Variants in RFTN1 observed in about 807,000 individuals in gnomAD.
The protein encoded by RFTN1 is raftlin, lipid raft linker 1, also known as raftlin.
Under a neutral mutation model 46.5 loss-of-function variants are expected in RFTN1, and 26 were observed. The observed-to-expected ratio is 0.56, with a 90% CI of 0.41 to 0.78. The LOEUF (loss-of-function observed/expected upper bound fraction) is 0.78. RFTN1 is among the 30% of genes least tolerant of loss of function. The pLI, the probability that RFTN1 is intolerant of heterozygous loss-of-function variation, is 0.00. For missense variants in RFTN1, 693 were observed against 718.7 expected (o/e 0.96, Z 0.41); for synonymous variants, 261 against 284.2 (o/e 0.92, Z 0.82).
intron 4 of RFTN1, among the ~76,000 whole-genome samples, chr3:16,391,858 G>GTTTTTTTTTGTTTTT (rs2074348121): frequency 4.1e-5 from 2 of 49,122 alleles, no homozygotes; most frequent in African/African-American, 8.9e-5. Context: ...TAGTGCAAAG[G>GTTTTTTTTTGTTTTT]TTTTTTTTTT....
At chr3:16,360,867 A>G (rs1025081113) in intron 6 of RFTN1, among the ~76,000 whole-genome samples, 48 of 152,242 alleles carry the variant, frequency 3.2e-4, no homozygotes, top group African/African-American at 1.1e-3. Flanking sequence ...ATTATGGAGA[A>G]AAAACTAGGA....
At chr3:16,423,084 C>T (rs1266901645) in intron 3 of RFTN1, among the ~76,000 whole-genome samples, 1 of 151,758 alleles carries the variant, frequency 6.6e-6, no homozygotes, top group Non-Finnish European at 1.5e-5. Context: ...AGGAGAATGG[C>T]GAGAACCCAG....
At chr3:16,347,263 C>T (rs1341121728) in intron 7 of RFTN1, among the ~76,000 whole-genome samples, 1 of 152,210 alleles carries the variant, frequency 6.6e-6, no homozygotes, top group African/African-American at 2.4e-5. Context: ...TACAGGGCAA[C>T]CCTGGAGAGA....
rs1559310856 is a variant in RFTN1, at chr3:16,382,643, G to A, written c.442-4541C>T. On this transcript the variant is annotated intron_variant, in intron 4 of 9. Coordinates refer to ENST00000334133, the MANE Select transcript of RFTN1 (RefSeq NM_015150.2). This position sits in a 1 kb window ranked among gnomAD's most constrained non-coding sequence, Gnocchi z 4.7. ...CAGACCTACACAGAAGACGATCACA[G>A]CTGACGGGTCCACTGTTGATCTGGT... is the stretch of plus-strand genomic sequence containing the variant. Among the ~76,000 whole-genome samples, 1 of 152,142 alleles carries A rather than the reference G, an allele frequency of 6.6e-6. No individual in the cohort carries two copies. The highest frequency in any genetic ancestry group is 1.5e-5 in the Non-Finnish European group (1 of 68,030).
rs746365732 is a variant in RFTN1 at position 16,383,188 on chromosome 3, C to T, written c.442-5086G>A. 1.4e-4 allele frequency among the ~76,000 whole-genome samples: 22 copies of T among 152,256 alleles called. No homozygotes were observed. Among genetic ancestry groups the T allele is most frequent in the Middle Eastern group, 3.4e-3 (1 of 294 alleles). ...TAAGCCCAACCTGATGCCTCTTCAA[C>T]GATACCACTCTTTCCACTTCAGATA... On this transcript the variant is annotated intron_variant, in intron 4 of 9. Transcript: ENST00000334133. The surrounding 1 kb of genome is among the most constrained non-coding windows in gnomAD (Gnocchi z 4.0).
Position 16,424,353 on chromosome 3 carries a change from G to A in RFTN1, c.332+9498C>T, listed in dbSNP as rs1262615523. 6.6e-6 allele frequency among the ~76,000 whole-genome samples: 1 copy of A among 152,198 alleles called. No individual in the cohort carries two copies. Among genetic ancestry groups the A allele is most frequent in the Non-Finnish European group, 1.5e-5 (1 of 68,034 alleles). On this transcript the variant is annotated intron_variant, in intron 3 of 9. Coordinates refer to ENST00000334133, the MANE Select transcript of RFTN1 (RefSeq NM_015150.2). The surrounding 1 kb of genome is among the most constrained non-coding windows in gnomAD (Gnocchi z 4.7). ...ATAAAATGAGAAGTGGGGAATGAGG[G>A]AAGGTCATGGTATCTTTTGGTTACA...
At chr3:16,416,284 A>C in intron 3 of RFTN1, 1 of 446,064 alleles carries the variant, frequency 2.2e-6, no homozygotes, top group Admixed American at 2.4e-5. Flanking sequence ...TTAATAATGC[A>C]CATAAACAGA....
In RFTN1 at chr3:16,384,542, T is replaced by C. The variant is rs59930398; in HGVS notation, c.442-6440A>G. Reference sequence around the variant, plus strand: ...GCCCAGGTAAAGGAAATTTCCCCCATTGTGCTTTGAGGAGAGCTGCTACAC... The same window carrying C: ...GCCCAGGTAAAGGAAATTTCCCCCACTGTGCTTTGAGGAGAGCTGCTACAC... On this transcript the variant is annotated intron_variant, in intron 4 of 9. Transcript: ENST00000334133. The surrounding 1 kb of genome is among the most constrained non-coding windows in gnomAD (Gnocchi z 4.7). Among the ~76,000 whole-genome samples, 31,090 of 152,134 alleles carry C rather than the reference T, an allele frequency of 0.2. 3,458 individuals are homozygous for C. Among genetic ancestry groups the C allele is most frequent in the Admixed American group, 0.28 (4,322 of 15,278 alleles).
rs533322071 is a variant in RFTN1 at position 16,443,796 on chromosome 3, A to C, written c.146-9759T>G. Among the ~76,000 whole-genome samples the C allele has an allele frequency of 6.6e-6, 1 of 151,768 alleles. No homozygotes were observed. Among genetic ancestry groups the C allele is most frequent in the South Asian group, 2.1e-4 (1 of 4,808 alleles). ...ACACACACACACACCACTGTACTGT[A>C]AAAATTCAGTGTCCAGGTATTTGTA... On this transcript the variant is annotated intron_variant, in intron 2 of 9. Transcript: ENST00000334133. The surrounding 1 kb of genome is among the most constrained non-coding windows in gnomAD (Gnocchi z 5.5).
At chr3:16,415,384 G>A (rs1320520374) in intron 3 of RFTN1, among the ~76,000 whole-genome samples, 1 of 132,556 alleles carries the variant, frequency 7.5e-6, no homozygotes, top group African/African-American at 2.6e-5. Context: ...AGACATCCAA[G>A]TTGAGATGTC....
In RFTN1 at chr3:16,381,292, C is replaced by T. The variant is rs2073983958; in HGVS notation, c.442-3190G>A. 6.6e-6 allele frequency among the ~76,000 whole-genome samples: 1 copy of T among 151,948 alleles called. No homozygotes were observed. ...ATTACTGTGTAATTTTCAAAATTTA[C>T]TTAAGGGGCATGGATGTTACTTTTA... On this transcript the variant is annotated intron_variant, in intron 4 of 9. Transcript: ENST00000334133. The surrounding 1 kb of genome is among the most constrained non-coding windows in gnomAD (Gnocchi z 4.2).
chr3:16,439,657 G>A (rs752259070), intron 2 of RFTN1, among the ~76,000 whole-genome samples: 1 of 152,154 alleles, frequency 6.6e-6, no homozygotes, highest in South Asian at 2.1e-4. Flanking sequence ...TTGGAAGAAG[G>A]AACACCCACA....
At chr3:16,393,027 A>T (rs1449865306) in intron 4 of RFTN1, among the ~76,000 whole-genome samples, 1 of 151,958 alleles carries the variant, frequency 6.6e-6, no homozygotes, top group Non-Finnish European at 1.5e-5. Flanking sequence ...TTCACTGAGC[A>T]CATGCTAAAT....
chr3:16,324,735 C>G (rs1178619280), intron 8 of RFTN1, among the ~76,000 whole-genome samples: 1 of 143,570 alleles, frequency 7.0e-6, no homozygotes, highest in Non-Finnish European at 1.5e-5. Context: ...TGAGGGACAC[C>G]TAAGTTGTTT....
At chr3:16,389,017 C>G (rs1271783613) in intron 4 of RFTN1, among the ~76,000 whole-genome samples, 1 of 151,896 alleles carries the variant, frequency 6.6e-6, no homozygotes, top group East Asian at 1.9e-4. Flanking sequence ...GTCAAAAGAA[C>G]ATAAGTTTAA....
rs1190762781 is a variant in RFTN1, at chr3:16,334,863, C to G, written c.1147-7987G>C. The stretch of plus-strand genomic sequence containing the variant: ...ATTATCCAGGTGTGCCCAGTATAAT[C>G]ACAGGGGTCCTTATAAGGACAGGCA... On this transcript the variant is annotated intron_variant, in intron 7 of 9. Coordinates refer to ENST00000334133, the MANE Select transcript of RFTN1 (RefSeq NM_015150.2). The surrounding 1 kb of genome is among the most constrained non-coding windows in gnomAD (Gnocchi z 4.3). 6.6e-6 allele frequency among the ~76,000 whole-genome samples: 1 copy of G among 152,150 alleles called. No individual in the cohort carries two copies. Among genetic ancestry groups the G allele is most frequent in the Non-Finnish European group, 1.5e-5 (1 of 68,030 alleles).
intron 5 of RFTN1, among the ~76,000 whole-genome samples, chr3:16,375,532 C>T (rs1163977127): frequency 6.6e-6 from 1 of 151,910 alleles, no homozygotes. Flanking sequence ...CACTGAAAGG[C>T]TTATATGTGA....
chr3:16,318,837 CT>C (rs997973112), intron 9 of RFTN1, among the ~76,000 whole-genome samples: 2 of 152,210 alleles, frequency 1.3e-5, no homozygotes, highest in Non-Finnish European at 2.9e-5. Flanking sequence ...ACAGACTTCC[CT>C]TAGGAGATGG....
intron 6 of RFTN1, among the ~76,000 whole-genome samples, chr3:16,367,736 G>A (rs2073280708): frequency 6.6e-6 from 1 of 152,214 alleles, no homozygotes; most frequent in African/African-American, 2.4e-5. Context: ...CTGGACTCCA[G>A]GTTGAAGAGT....
Sources: gnomAD v4.1 joint callset for allele counts (sites outside exome capture counted in the v4.1 genomes callset) on GRCh38, gnomAD v4.1.1 for gene constraint, Gnocchi (gnomAD v3.1) non-coding constraint, MANE v1.5 for transcripts, NCBI Gene and HGNC (gene_info 2026-07-23, HGNC 2026-07-21) for gene names.